ERAP1: variants seen among roughly 807,000 people sequenced by gnomAD.
ERAP1 encodes endoplasmic reticulum aminopeptidase 1, also known as adipocyte-derived leucine aminopeptidase.
ERAP1 carries 86 observed loss-of-function variants against 103.7 expected under a neutral mutation model. The observed-to-expected ratio is 0.83, with a 90% CI of 0.70 to 0.99. The LOEUF (loss-of-function observed/expected upper bound fraction) is 0.99, where lower values mean the gene tolerates loss of function less well. Ranked by LOEUF, ERAP1 falls within the 50% of genes least tolerant of loss-of-function variation. ERAP1 has a pLI of 0.00. For synonymous variants in ERAP1, 398 were observed against 402.4 expected (o/e 0.99, Z 0.13); for missense variants, 1,009 against 1,128.4 (o/e 0.89, Z 1.52).
chr5:96,879,693 A>C, the ERAP1 span: 1 of 1,613,010 alleles, frequency 6.2e-7, no homozygotes, highest in East Asian at 2.2e-5. Context: ...TTCATGTTCC[A>C]TTCTTCTGCA....
chr5:96,905,575 T>G, the ERAP1 span, among the ~76,000 whole-genome samples: 2 of 152,198 alleles, frequency 1.3e-5, no homozygotes, highest in South Asian at 4.1e-4. Context: ...CCCTGCTTTA[T>G]GAAACTTCAA....
the ERAP1 span, among the ~76,000 whole-genome samples, chr5:96,877,910 T>A: frequency 3.3e-5 from 5 of 152,254 alleles, no homozygotes; most frequent in African/African-American, 1.2e-4. Flanking sequence ...CCTGCATTAA[T>A]ATTGCAAATT....
At chr5:96,807,398 C>T (rs1023876037) in intron 1 of ERAP1, among the ~76,000 whole-genome samples, 1 of 152,230 alleles carries the variant, frequency 6.6e-6, no homozygotes, top group Non-Finnish European at 1.5e-5. Context: ...CCCTCCTCAG[C>T]CCGAGCCAGC....
At chr5:96,891,570 G>A in the ERAP1 span, among the ~76,000 whole-genome samples, 1 of 128,116 alleles carries the variant, frequency 7.8e-6, no homozygotes. Context: ...ACACATATAT[G>A]GTACACACAC....
At chr5:96,796,880 A>G (rs1777399870) in intron 4 of ERAP1, among the ~76,000 whole-genome samples, 1 of 151,984 alleles carries the variant, frequency 6.6e-6, no homozygotes, top group Admixed American at 6.6e-5. Context: ...GAAGCCTCAA[A>G]CTCCTGGGCT....
rs1774042537 is a variant in ERAP1, at chr5:96,775,434, A to AG, written c.*961dup. The AG allele has an allele frequency of 2.0e-6, 2 of 985,584 alleles. No individual in the cohort carries two copies. Among genetic ancestry groups the AG allele is most frequent in the Non-Finnish European group, 2.4e-6 (2 of 829,940 alleles). The allele number at this position is 985,584 out of a possible 1,614,324, so 61.1% of individuals were successfully genotyped here. A position where few individuals can be genotyped will look rare whatever the true frequency, so the allele number is the denominator to read the frequency against. On this transcript the variant is annotated 3_prime_UTR_variant, in exon 19 of 19. Coordinates refer to ENST00000443439, the MANE Select transcript of ERAP1 (RefSeq NM_001040458.3). ...AGTAGGCCAAATAAGAAGCAGAGAG[A>AG]GAAAAAAAATCACCTCCCTAAGAAA...
the ERAP1 span, chr5:96,880,147 G>A: frequency 3.4e-4 from 541 of 1,614,008 alleles, no homozygotes; most frequent in Non-Finnish European, 4.4e-4. Context: ...TGGTTCCAGA[G>A]AAACTTACGC....
chr5:96,809,846 T>C (rs533583372), upstream of ERAP1, among the ~76,000 whole-genome samples: 6 of 152,364 alleles, frequency 3.9e-5, no homozygotes, highest in African/African-American at 1.4e-4. Context: ...TTTTTGAATA[T>C]GATGGTTTTC....
upstream of ERAP1, chr5:96,807,999 G>A (rs1252914841): frequency 3.0e-6 from 3 of 985,480 alleles, no homozygotes; most frequent in African/African-American, 3.5e-5. Flanking sequence ...CCGAGCCCTA[G>A]CGGCAGGCGG....
In ERAP1 at chr5:96,792,105, G is replaced by T; in HGVS notation, c.1276C>A (p.Pro426Thr). The change falls in exon 8 of 19, where the codon CCT becomes ACT. Residue 426 changes from proline to threonine, a missense_variant. Coordinates refer to ENST00000443439, the MANE Select transcript of ERAP1 (RefSeq NM_001040458.3). The stretch of plus-strand genomic sequence containing the variant: ...TCAAACATCTCCCGGATCTGAGCAG[G>T]ATTTTCCACAGGTGTAGACACAGGG... ...SHPVSTPVEN[P>T]AQIREMFDDV... is the part of the protein sequence containing the mutation. 1.2e-6 allele frequency: 2 copies of T among 1,614,040 alleles called. No individual in the cohort carries two copies. The highest frequency in any genetic ancestry group is 1.7e-6 in the Non-Finnish European group (2 of 1,179,952).
Position 96,783,195 on chromosome 5 carries a change from T to C in ERAP1, c.2141A>G (p.Gln714Arg), listed in dbSNP as rs1040126646. The change falls in exon 15 of 19, where the codon CAG (glutamine) becomes CGG (arginine). Residue 714 changes from glutamine to arginine, a missense_variant. By Grantham distance (43) the Gln-to-Arg change is conservative. This residue lies in a region of ERAP1 where 611 missense variants were observed against 651.7 expected (regional missense o/e 0.94). Coordinates refer to ENST00000443439, the MANE Select transcript of ERAP1 (RefSeq NM_001040458.3). ...IRLLRDLIDK[Q>R]TWTDEGSVSE... ...GACTGAGCCCTCGTCTGTCCATGTC[T>C]GCTTATCAATGAGGTCCCTTAGCAG... 1 of 1,612,978 alleles carries C rather than the reference T, an allele frequency of 6.2e-7. No homozygotes were observed. The highest frequency in any genetic ancestry group is 8.5e-7 in the Non-Finnish European group (1 of 1,179,042).
At chr5:96,886,926 A>G in the ERAP1 span, 1 of 774,520 alleles carries the variant, frequency 1.3e-6, no homozygotes, top group Non-Finnish European at 1.8e-6. Context: ...AAACTAAGTT[A>G]AAAATTATCC....
the ERAP1 span, among the ~76,000 whole-genome samples, chr5:96,813,650 CAAAAAAAAAAAA>C: frequency 1.3e-4 from 7 of 55,166 alleles, no homozygotes; most frequent in Non-Finnish European, 2.0e-4. Flanking sequence ...AGACTCATCT[CAAAAAAAAAAAA>C]AAAAAAAAAA....
chr5:96,765,637 T>C (rs1189391475), intron 19 of ERAP1, among the ~76,000 whole-genome samples: 2 of 152,136 alleles, frequency 1.3e-5, no homozygotes, highest in Admixed American at 1.3e-4. Flanking sequence ...CAGGGTTGCT[T>C]ATAAATAGGC....
At chr5:96,823,505 G>T in the ERAP1 span, among the ~76,000 whole-genome samples, 1 of 152,110 alleles carries the variant, frequency 6.6e-6, no homozygotes, top group African/African-American at 2.4e-5. Flanking sequence ...CACACAGCAG[G>T]CAAAGTTGTT....
the ERAP1 span, among the ~76,000 whole-genome samples, chr5:96,873,089 T>A: frequency 1.7e-4 from 26 of 152,068 alleles, no homozygotes; most frequent in African/African-American, 6.3e-4. Context: ...CCTGGGAGGC[T>A]GAGGCACAAG....
chr5:96,922,896 G>C, the ERAP1 span, among the ~76,000 whole-genome samples: 1 of 152,218 alleles, frequency 6.6e-6, no homozygotes, highest in Non-Finnish European at 1.5e-5. Flanking sequence ...TTATTAGGTA[G>C]GACGAGCATA....
the ERAP1 span, chr5:96,880,025 G>C: frequency 6.2e-7 from 1 of 1,614,154 alleles, no homozygotes. Flanking sequence ...GCACAGCAAA[G>C]ATCTTGAAAT....
At chr5:96,794,928 G>T in intron 5 of ERAP1, 114 bp downstream of exon 5, 1 of 1,321,124 alleles carries the variant, frequency 7.6e-7, no homozygotes, top group Non-Finnish European at 1.1e-6. Context: ...ACTTGCTGGG[G>T]TTTTTGTGGC....
Sources: gnomAD v4.1 joint callset for allele counts (sites outside exome capture counted in the v4.1 genomes callset) on GRCh38, gnomAD v4.1.1 for gene constraint, gnomAD v4.1.1 regional missense constraint, MANE v1.5 for transcripts, NCBI Gene and HGNC (gene_info 2026-07-23, HGNC 2026-07-21) for gene names.